Variants in DOCK3 observed in about 807,000 individuals in gnomAD.
DOCK3 encodes the protein dedicator of cytokinesis protein 3.
In DOCK3, 60 loss-of-function variants were observed where a neutral mutation model predicts 265.6. That is an observed-to-expected ratio of 0.23 (90% CI 0.18 to 0.28). DOCK3 has a LOEUF of 0.28. Among genes scored for constraint, DOCK3 ranks in the 10% least tolerant of loss-of-function variants. The pLI, the probability that DOCK3 is intolerant of heterozygous loss-of-function variation, is 1.00. For synonymous variants in DOCK3, 881 were observed against 938.0 expected (o/e 0.94, Z 1.11); for missense variants, 1,981 against 2,594.3 (o/e 0.76, Z 5.14).
Position 51,354,949 on chromosome 3 carries a change from G to A in DOCK3, c.4175G>A (p.Ser1392Asn), listed in dbSNP as rs1417717737. The change falls in exon 41 of 53, where the codon AGT (serine) becomes AAT (asparagine). Residue 1392 changes from serine (S) to asparagine (N), a missense_variant. By Grantham distance (46) the Ser-to-Asn change is conservative. This residue lies in a region of DOCK3 where 1,357 missense variants were observed against 1,866.8 expected (regional missense o/e 0.73). Coordinates refer to ENST00000266037, the MANE Select transcript of DOCK3 (RefSeq NM_004947.5). The part of the protein sequence containing the change: ...RLEAFQQRML[S>N]EFPQAVAMQH... ...GAGGCCTTCCAGCAGAGGATGCTCA[G>A]TGAGTTTCCGCAGGCTGTCGCCATG... 3.1e-6 allele frequency: 5 copies of A among 1,613,838 alleles called. No homozygotes were observed. Among genetic ancestry groups the A allele is most frequent in the Non-Finnish European group, 4.2e-6 (5 of 1,179,874 alleles).
intron 5 of DOCK3, among the ~76,000 whole-genome samples, chr3:51,053,907 A>G (rs2081099165): frequency 6.6e-6 from 1 of 152,046 alleles, no homozygotes; most frequent in African/African-American, 2.4e-5. Context: ...GGCATAAATG[A>G]AAATCTGACT....
chr3:50,770,230 T>C (rs140488600), intron 1 of DOCK3, among the ~76,000 whole-genome samples: 4 of 152,212 alleles, frequency 2.6e-5, no homozygotes, highest in Admixed American at 6.5e-5. Context: ...AAAAAACAAT[T>C]AGAACTGATA....
At chr3:51,289,566 C>T (rs556518694) in intron 27 of DOCK3, among the ~76,000 whole-genome samples, 3 of 151,918 alleles carry the variant, frequency 2.0e-5, no homozygotes, top group African/African-American at 7.2e-5. Flanking sequence ...CCTTGCCTAT[C>T]GGTAATTACT....
At chr3:51,192,418 A>G (rs1037442953) in intron 12 of DOCK3, among the ~76,000 whole-genome samples, 3 of 151,844 alleles carry the variant, frequency 2.0e-5, no homozygotes, top group Admixed American at 6.6e-5. Flanking sequence ...CTAACAGGTC[A>G]ATATCCCTGA....
chr3:51,205,419 GT>G (rs1445263068), intron 12 of DOCK3, among the ~76,000 whole-genome samples: 6 of 151,976 alleles, frequency 3.9e-5, no homozygotes, highest in Non-Finnish European at 7.4e-5. Flanking sequence ...ATTGGCCCAG[GT>G]GTGGTGGCTC....
intron 4 of DOCK3, chr3:50,893,269 G>C (rs1338352178): frequency 6.5e-6 from 2 of 305,426 alleles, no homozygotes; most frequent in Non-Finnish European, 1.3e-5. Context: ...AGACCCTAAA[G>C]AAAAGGAGTT....
intron 5 of DOCK3, among the ~76,000 whole-genome samples, chr3:51,034,084 T>A (rs1036470971): frequency 6.6e-6 from 1 of 152,166 alleles, no homozygotes; most frequent in African/African-American, 2.4e-5. Context: ...TAGCTTGTTA[T>A]GTTAGTGTGA....
chr3:51,179,936 G>A (rs1406910645), intron 12 of DOCK3, among the ~76,000 whole-genome samples: 2 of 151,314 alleles, frequency 1.3e-5, no homozygotes, highest in South Asian at 2.1e-4. Flanking sequence ...CGGCGGACGC[G>A]GTGTCTCATG....
chr3:50,986,637 TTC>T (rs774294506), intron 5 of DOCK3, among the ~76,000 whole-genome samples: 1 of 152,250 alleles, frequency 6.6e-6, no homozygotes, highest in South Asian at 2.1e-4. Context: ...CTTTTGGATT[TTC>T]TCTGTTAACA....
At chr3:50,783,216 T>C (rs1463264724) in intron 2 of DOCK3, among the ~76,000 whole-genome samples, 3 of 152,206 alleles carry the variant, frequency 2.0e-5, no homozygotes, top group Admixed American at 6.5e-5. Context: ...CTGGATTGAA[T>C]GGTAGATCTA....
intron 51 of DOCK3, among the ~76,000 whole-genome samples, chr3:51,377,409 C>G (rs1399947452): frequency 6.6e-6 from 1 of 152,188 alleles, no homozygotes; most frequent in Non-Finnish European, 1.5e-5. Flanking sequence ...GTTCTGAGTC[C>G]CATGAGGACT....
At chr3:50,766,508 A>G (rs2040887565) in intron 1 of DOCK3, among the ~76,000 whole-genome samples, 1 of 151,882 alleles carries the variant, frequency 6.6e-6, no homozygotes, top group Non-Finnish European at 1.5e-5. Flanking sequence ...ACATTTTCTT[A>G]ATTCAGTCTA....
At chr3:50,740,612 A>C (rs1251683200) in intron 1 of DOCK3, among the ~76,000 whole-genome samples, 1 of 152,090 alleles carries the variant, frequency 6.6e-6, no homozygotes, top group African/African-American at 2.4e-5. Context: ...TATATTGAGA[A>C]TCCTTTTATG....
At chr3:51,311,046 A>G (rs2083042476) in intron 28 of DOCK3, among the ~76,000 whole-genome samples, 1 of 152,230 alleles carries the variant, frequency 6.6e-6, no homozygotes, top group African/African-American at 2.4e-5. Flanking sequence ...CAAAATACAA[A>G]TGTTTTATAA....
intron 12 of DOCK3, among the ~76,000 whole-genome samples, chr3:51,175,390 C>A (rs931542804): frequency 2.0e-5 from 3 of 152,156 alleles, no homozygotes; most frequent in Non-Finnish European, 2.9e-5. Flanking sequence ...ATCTGGGTTA[C>A]AGGGCCATTT....
intron 4 of DOCK3, 51 bp downstream of exon 4, chr3:50,890,132 GGAA>G: frequency 7.4e-7 from 1 of 1,350,418 alleles, no homozygotes. Context: ...AGGCTACAGA[GGAA>G]GATTGTTTTT....
At chr3:50,699,486 T>G (rs1363164670) in intron 1 of DOCK3, among the ~76,000 whole-genome samples, 1 of 149,734 alleles carries the variant, frequency 6.7e-6, no homozygotes, top group African/African-American at 2.5e-5. Flanking sequence ...GGATTCTTGC[T>G]CTGTTGCCCA....
intron 32 of DOCK3, among the ~76,000 whole-genome samples, chr3:51,315,331 G>T (rs1466971941): frequency 6.6e-6 from 1 of 152,182 alleles, no homozygotes; most frequent in Non-Finnish European, 1.5e-5. Flanking sequence ...AGAAAATAAT[G>T]AGGCCAGGAA....
At chr3:51,011,060 C>A (rs932779947) in intron 5 of DOCK3, among the ~76,000 whole-genome samples, 2 of 152,094 alleles carry the variant, frequency 1.3e-5, no homozygotes, top group African/African-American at 2.4e-5. Context: ...ACATGTTTTC[C>A]TTCATTTCAA....
Sources: gnomAD v4.1 joint callset for allele counts (sites outside exome capture counted in the v4.1 genomes callset) on GRCh38, gnomAD v4.1.1 for gene constraint, gnomAD v4.1.1 regional missense constraint, MANE v1.5 for transcripts, NCBI Gene and HGNC (gene_info 2026-07-23, HGNC 2026-07-21) for gene names.